The following RPGR variants were observed in gnomAD, a reference collection of about 807,000 sequenced individuals.
RPGR encodes retinitis pigmentosa GTPase regulator, also known as X-linked retinitis pigmentosa GTPase regulator.
In RPGR, 10 loss-of-function variants were observed where a neutral mutation model predicts 56.3. The ratio of observed to expected loss-of-function variants is 0.18; its 90% CI spans 0.11 to 0.30. The LOEUF (loss-of-function observed/expected upper bound fraction) is 0.30. Among genes scored for constraint, RPGR ranks in the 10% least tolerant of loss-of-function variants. The pLI, the probability that RPGR is intolerant of heterozygous loss-of-function variation, is 1.00. For missense variants in RPGR, 538 were observed against 590.9 expected, an observed-to-expected ratio of 0.91 and a Z score of 0.93; for synonymous variants, 197 against 212.9, an observed-to-expected ratio of 0.93 and a Z score of 0.65.
intron 6 of RPGR, among the ~76,000 whole-genome samples, chrX:38,312,241 C>T (rs2067732186): frequency 9.0e-6 from 1 of 111,639 alleles, no homozygotes; most frequent in Non-Finnish European, 1.9e-5. Context: ...AAAAGTGGTG[C>T]CCAGTAAGTT....
At chrX:38,275,347 T>C (rs1311121722) in intron 16 of RPGR, among the ~76,000 whole-genome samples, 2 of 111,526 alleles carry the variant, frequency 1.8e-5, no homozygotes, top group East Asian at 2.8e-4. Context: ...TAGCTTAAAA[T>C]TGTGTGATTA....
chrX:38,316,277 T>G (rs914969563), intron 6 of RPGR, among the ~76,000 whole-genome samples: 4 of 104,615 alleles, frequency 3.8e-5, no homozygotes, highest in African/African-American at 1.4e-4. Flanking sequence ...TCAATAAAGC[T>G]GAGCTTTTTT....
chrX:38,287,729 C>T (rs781481008), intron 14 of RPGR, 132 bp downstream of exon 14: 3 of 626,112 alleles, frequency 4.8e-6, no homozygotes, highest in Non-Finnish European at 7.9e-6. Flanking sequence ...CTGTGTCCTC[C>T]ATCACTTTCC....
intron 13 of RPGR, among the ~76,000 whole-genome samples, chrX:38,290,659 A>C (rs1178845420): frequency 8.9e-6 from 1 of 111,954 alleles, no homozygotes; most frequent in Non-Finnish European, 1.9e-5. Context: ...TTTCCTATAC[A>C]TAAGAACTGC....
rs752585741 is a variant in RPGR at position 38,293,301 on chromosome X, G to A, written c.1415-1817C>T. ...CCACAGACAATACATAAAGGAATGG[G>A]TATGGCTGGGTTCCAATAAAACTTT... On this transcript the variant is annotated intron_variant, in intron 11 of 18. Transcript: ENST00000642395. Among the ~76,000 whole-genome samples the A allele has an allele frequency of 7.2e-5, 8 of 111,676 alleles. No homozygotes were observed. The South Asian group carries it at 3.0e-3, about 42-fold the overall frequency.
At chrX:38,279,783 A>G (rs1167433372) in intron 15 of RPGR, among the ~76,000 whole-genome samples, 1 of 112,234 alleles carries the variant, frequency 8.9e-6, no homozygotes, top group Non-Finnish European at 1.9e-5. Context: ...ATTTTGTGCT[A>G]TAATTCAGAA....
chrX:38,291,440 A>G lies in RPGR; in HGVS notation c.1459T>C (p.Ser487Pro), dbSNP rs1166019520. Residue 487 changes from serine to proline, a missense_variant, in exon 12 of 19, where the codon TCT becomes CCT. Ser to Pro is a moderately conservative substitution (Grantham distance 74, BLOSUM62 -1). Coordinates refer to ENST00000642395, the MANE Select transcript of RPGR (RefSeq NM_000328.3). ...TCTCCAAGGCTTTCTACAGTTGAAGAATTATCTATCTCTGCTTCTTTGGTC... is the reference window on the plus strand; with the variant it reads ...TCTCCAAGGCTTTCTACAGTTGAAGGATTATCTATCTCTGCTTCTTTGGTC... 8.5e-7 allele frequency: 1 copy of G among 1,169,763 alleles called. No homozygotes were observed. The highest frequency in any genetic ancestry group is 1.2e-6 in the Non-Finnish European group (1 of 859,041).
intron 15 of RPGR, among the ~76,000 whole-genome samples, chrX:38,282,543 AC>A (rs751758070): frequency 9.0e-6 from 1 of 111,422 alleles, no homozygotes; most frequent in South Asian, 3.8e-4. Context: ...AACATCTCCT[AC>A]AATCTAAAAT....
At chrX:38,275,984 A>G (rs1231622993) in intron 16 of RPGR, among the ~76,000 whole-genome samples, 1 of 112,145 alleles carries the variant, frequency 8.9e-6, no homozygotes, top group African/African-American at 3.2e-5. Flanking sequence ...CCTACAAACT[A>G]TCTCCTAGCA....
intron 1 of RPGR, among the ~76,000 whole-genome samples, chrX:38,325,027 G>A (rs1482682825): frequency 4.7e-5 from 5 of 106,532 alleles, no homozygotes; most frequent in Admixed American, 1.0e-4. Context: ...AAAATTAGCC[G>A]GGCGTGGTGG....
chrX:38,283,579 T>C (rs2067070501), intron 15 of RPGR, among the ~76,000 whole-genome samples: 1 of 112,194 alleles, frequency 8.9e-6, no homozygotes, highest in Non-Finnish European at 1.9e-5. Flanking sequence ...GAGGCCAGTG[T>C]TCTCCACTAG....
chrX:38,303,674 G>C (rs2067543921), intron 8 of RPGR: 2 of 293,830 alleles, frequency 6.8e-6, no homozygotes, highest in Non-Finnish European at 1.2e-5. Context: ...ACTGATACTT[G>C]ATCATGGGCA....
intron 7 of RPGR, among the ~76,000 whole-genome samples, chrX:38,310,001 C>T (rs1009993143): frequency 1.8e-5 from 2 of 110,573 alleles, no homozygotes; most frequent in Non-Finnish European, 3.8e-5. Context: ...TGTTTTGAGA[C>T]GAGGTCTTGC....
chrX:38,283,075 T>C (rs1217928366), intron 15 of RPGR, among the ~76,000 whole-genome samples: 2 of 111,213 alleles, frequency 1.8e-5, no homozygotes, highest in Non-Finnish European at 3.8e-5. Flanking sequence ...TCCTAAGATA[T>C]ATAAAATTTA....
chrX:38,271,422 G>A (rs1037114517), intron 18 of RPGR, among the ~76,000 whole-genome samples: 1 of 111,908 alleles, frequency 8.9e-6, no homozygotes, highest in Non-Finnish European at 1.9e-5. Context: ...GACCAAAAAA[G>A]AAAGAAGGAA....
intron 6 of RPGR, among the ~76,000 whole-genome samples, chrX:38,314,753 A>G (rs1601967570): frequency 8.9e-6 from 1 of 112,280 alleles, no homozygotes; most frequent in East Asian, 2.8e-4. Context: ...GAGCATTTAA[A>G]CATATTAGTA....
intron 1 of RPGR, 85 bp downstream of exon 1, chrX:38,327,255 C>A (rs974059687): frequency 4.0e-6 from 4 of 997,402 alleles, no homozygotes; most frequent in Admixed American, 2.8e-5. Context: ...GGCCTGTCCC[C>A]CTACAGGGCC....
chrX:38,306,764 G>T (rs2067609483), intron 7 of RPGR, among the ~76,000 whole-genome samples: 1 of 112,254 alleles, frequency 8.9e-6, no homozygotes, highest in Non-Finnish European at 1.9e-5. Context: ...GTGAAATGAG[G>T]CTGTTTAGGC....
intron 6 of RPGR, among the ~76,000 whole-genome samples, 156 bp from the exon 7 acceptor site, chrX:38,310,929 T>C (rs2067704639): frequency 8.9e-6 from 1 of 112,554 alleles, no homozygotes; most frequent in Non-Finnish European, 1.9e-5. Context: ...CTAGATTTTC[T>C]TTTCCCCTTG....
Sources: gnomAD v4.1 joint callset for allele counts (sites outside exome capture counted in the v4.1 genomes callset) on GRCh38, gnomAD v4.1.1 for gene constraint, MANE v1.5 for transcripts, NCBI Gene and HGNC (gene_info 2026-07-23, HGNC 2026-07-21) for gene names.